Variants in TMEM275 observed in about 807,000 individuals in gnomAD.
TMEM275 encodes transmembrane protein 275.
At position 46,533,861 on chromosome 1, in the gene TMEM275, C is replaced by T. The variant is rs1373171068; in HGVS notation, c.-123-211G>A. The stretch of plus-strand genomic sequence containing the variant: ...CGGGGGTCCCTCGTGGCCAATCTTG[C>T]CATCCTCCCTCTCTCCTCACTTTTT... On this transcript the variant is annotated intron_variant, in intron 1 of 1. Coordinates refer to ENST00000634804, the Ensembl canonical transcript of TMEM275. The surrounding 1 kb of genome is among the most constrained non-coding windows in gnomAD (Gnocchi z 4.4). Among the ~76,000 whole-genome samples the T allele has an allele frequency of 6.6e-6, 1 of 152,148 alleles. No homozygotes were observed. The highest frequency in any genetic ancestry group is 1.5e-5 in the Non-Finnish European group (1 of 68,012).
rs1257938812 is a variant in TMEM275 at position 46,533,873 on chromosome 1, TCTC to T, written c.-123-226_-123-224del. Among the ~76,000 whole-genome samples, 1 of 152,054 alleles carries T rather than the reference TCTC, an allele frequency of 6.6e-6. No individual in the cohort carries two copies. Among genetic ancestry groups the T allele is most frequent in the Non-Finnish European group, 1.5e-5 (1 of 67,990 alleles). On this transcript the variant is annotated intron_variant, in intron 1 of 1. Transcript: ENST00000634804. The surrounding 1 kb of genome is among the most constrained non-coding windows in gnomAD (Gnocchi z 4.4). ...GTGGCCAATCTTGCCATCCTCCCTC[TCTC>T]CTCACTTTTTTGTCCTCCAAACAGA...
exon 2 of TMEM275, chr1:46,532,937 G>A: frequency 2.5e-6 from 1 of 394,392 alleles, no homozygotes; most frequent in Non-Finnish European, 4.5e-6. Flanking sequence ...CCCTTAAATG[G>A]CACTGAAGGA....
At position 46,533,036 on chromosome 1, in the gene TMEM275, T is replaced by G. The variant is rs1226880398; in HGVS notation, c.492A>C (p.Glu164Asp). The G allele has an allele frequency of 2.5e-6, 1 of 396,114 alleles. No homozygotes were observed. Among genetic ancestry groups the G allele is most frequent in the African/African-American group, 2.1e-5 (1 of 48,464 alleles). The allele number at this position is 396,114 out of a possible 1,614,324, so 24.5% of individuals were successfully genotyped here. Reference sequence around the variant, plus strand: ...CCCGGGGTGGGTTGAGCTGGACTCCTTCCGAGCGCAGCGCGCAGACGGCCG... The same window carrying G: ...CCCGGGGTGGGTTGAGCTGGACTCCGTCCGAGCGCAGCGCGCAGACGGCCG... The change falls in exon 2 of 2, where the codon GAA becomes GAC. Residue 164 changes from glutamate (E) to aspartate (D), a missense_variant. Physicochemically the swap from Glu to Asp is conservative, Grantham distance 45. Transcript: ENST00000634804. The surrounding 1 kb of genome is among the most constrained non-coding windows in gnomAD (Gnocchi z 4.4).
At chr1:46,532,822 T>C in exon 2 of TMEM275, 1 of 381,498 alleles carries the variant, frequency 2.6e-6, no homozygotes, top group Non-Finnish European at 4.6e-6. Flanking sequence ...GTTTGGGAGA[T>C]GGAAAAGATG....
In TMEM275 at chr1:46,533,452, G is replaced by C. The variant is rs1253570117; in HGVS notation, c.76C>G (p.Leu26Val). Residue 26 changes from leucine (L) to valine (V), a missense_variant, in exon 2 of 2, where the codon CTG becomes GTG. Physicochemically the swap from Leu to Val is conservative, Grantham distance 32 (BLOSUM62 1). Transcript: ENST00000634804. This position sits in a 1 kb window ranked among gnomAD's most constrained non-coding sequence, Gnocchi z 4.4. Reference sequence around the variant, plus strand: ...GCGCAGCACAGCGCCGGCGACGGCAGGCCGGGCACCCGGCCCCGGGCGCGT... The same window carrying C: ...GCGCAGCACAGCGCCGGCGACGGCACGCCGGGCACCCGGCCCCGGGCGCGT... The C allele has an allele frequency of 5.2e-6, 2 of 384,694 alleles. No homozygotes were observed. The highest frequency in any genetic ancestry group is 4.6e-6 in the Non-Finnish European group (1 of 217,100). 23.8% of individuals were successfully genotyped at this position (384,694 alleles called of 1,614,324 possible). A position where few individuals can be genotyped will look rare whatever the true frequency, so the allele number is the denominator to read the frequency against.
exon 2 of TMEM275, chr1:46,532,929 C>CT (rs950102223): frequency 5.1e-6 from 2 of 393,586 alleles, no homozygotes; most frequent in African/African-American, 4.1e-5. Context: ...CTTTTCCCCC[C>CT]TTAAATGGCA....
In TMEM275 at chr1:46,533,236, C is replaced by G. The variant is rs1172972766; in HGVS notation, c.292G>C (p.Ala98Pro). 3 of 332,014 alleles carry G rather than the reference C, an allele frequency of 9.0e-6. No individual in the cohort carries two copies. The highest frequency in any genetic ancestry group is 5.2e-5 in the Admixed American group (1 of 19,216). 20.6% of individuals were successfully genotyped at this position (332,014 alleles called of 1,614,324 possible). ...CGGCCGCCACCCTGGCCCGGGCCCG[C>G]CGCGGCCGCCGAGCGCCCACGGGGC... is the stretch of plus-strand genomic sequence containing the variant. The change falls in exon 2 of 2, where the codon GCG becomes CCG. Residue 98 changes from alanine to proline, a missense_variant. By Grantham distance (27) the Ala-to-Pro change is conservative. Transcript: ENST00000634804. This position sits in a 1 kb window ranked among gnomAD's most constrained non-coding sequence, Gnocchi z 4.4.
chr1:46,535,193 C>T (rs1275433655), intron 1 of TMEM275, among the ~76,000 whole-genome samples: 1 of 152,146 alleles, frequency 6.6e-6, no homozygotes, highest in Non-Finnish European at 1.5e-5. Flanking sequence ...GTGTCAGATC[C>T]TTCACTTGCA....
exon 2 of TMEM275, chr1:46,532,856 A>C: frequency 2.6e-6 from 1 of 384,570 alleles, no homozygotes; most frequent in Non-Finnish European, 4.6e-6. Flanking sequence ...CCAGCACCAG[A>C]CCCTTGTAAA....
Position 46,533,462 on chromosome 1 carries a change from CCGGCCCCGG to C in TMEM275, c.57_65del (p.Arg20_Arg22del). 2 of 386,374 alleles carry C rather than the reference CCGGCCCCGG, an allele frequency of 5.2e-6. No individual in the cohort carries two copies. The highest frequency in any genetic ancestry group is 9.2e-6 in the Non-Finnish European group (2 of 218,192). The allele number at this position is 386,374 out of a possible 1,614,324, so 23.9% of individuals were successfully genotyped here. ...GCGCCGGCGACGGCAGGCCGGGCACCCGGCCCCGGGCGCGTTCCGCGGGCGCCGGGACCG... is the reference window on the plus strand; with the variant it reads ...GCGCCGGCGACGGCAGGCCGGGCACCGCGCGTTCCGCGGGCGCCGGGACCG... On this transcript the variant is annotated inframe_deletion, in exon 2 of 2. Coordinates refer to ENST00000634804, the Ensembl canonical transcript of TMEM275. The surrounding 1 kb of genome is among the most constrained non-coding windows in gnomAD (Gnocchi z 4.4).
In TMEM275 at chr1:46,533,347, C is replaced by A. The variant is rs1481921592; in HGVS notation, c.181G>T (p.Ala61Ser). Residue 61 changes from alanine (A) to serine (S), a missense_variant, in exon 2 of 2, where the codon GCG (alanine) becomes TCG (serine). Transcript: ENST00000634804. This position sits in a 1 kb window ranked among gnomAD's most constrained non-coding sequence, Gnocchi z 4.4. The stretch of plus-strand genomic sequence containing the variant: ...AGCGCCAGCCCCACGACGAGCAGCG[C>A]GTTGTGCTCGGGCAAGAAGGAGGCG... 2 of 376,120 alleles carry A rather than the reference C, an allele frequency of 5.3e-6. No homozygotes were observed. The highest frequency in any genetic ancestry group is 9.5e-6 in the Non-Finnish European group (2 of 211,496). 23.3% of individuals were successfully genotyped at this position (376,120 alleles called of 1,614,324 possible).
chr1:46,533,834 T>G lies in TMEM275; in HGVS notation c.-123-184A>C, dbSNP rs1358768765. On this transcript the variant is annotated intron_variant, in intron 1 of 1. Transcript: ENST00000634804. The surrounding 1 kb of genome is among the most constrained non-coding windows in gnomAD (Gnocchi z 4.4). ...GAATCGACTTGTTTCCCCACCTAGTTCCGGGGGTCCCTCGTGGCCAATCTT... is the reference window on the plus strand; with the variant it reads ...GAATCGACTTGTTTCCCCACCTAGTGCCGGGGGTCCCTCGTGGCCAATCTT... Among the ~76,000 whole-genome samples, 1 of 152,176 alleles carries G rather than the reference T, an allele frequency of 6.6e-6. No homozygotes were observed. Among genetic ancestry groups the G allele is most frequent in the Admixed American group, 6.5e-5 (1 of 15,278 alleles).
At chr1:46,534,769 G>C (rs1569918191) in intron 1 of TMEM275, among the ~76,000 whole-genome samples, 186 bp from the exon 2 acceptor site, 1 of 152,266 alleles carries the variant, frequency 6.6e-6, no homozygotes, top group Non-Finnish European at 1.5e-5. Context: ...GTCCTGGATG[G>C]GGATGAAAGG....
intron 1 of TMEM275, among the ~76,000 whole-genome samples, chr1:46,535,336 C>A (rs540845390): frequency 6.6e-6 from 1 of 152,202 alleles, no homozygotes; most frequent in Admixed American, 6.5e-5. Context: ...GCCAGAATCA[C>A]CTTGTTGCCG....
At chr1:46,534,518 T>C (rs1186690795) in intron 1 of TMEM275, among the ~76,000 whole-genome samples, 1 of 152,232 alleles carries the variant, frequency 6.6e-6, no homozygotes, top group African/African-American at 2.4e-5. Context: ...TGCTGGATGC[T>C]AGAATTCCTT....
At chr1:46,534,770 G>A (rs1002041378) in intron 1 of TMEM275, among the ~76,000 whole-genome samples, 187 bp from the exon 2 acceptor site, 1 of 152,172 alleles carries the variant, frequency 6.6e-6, no homozygotes, top group East Asian at 1.9e-4. Flanking sequence ...TCCTGGATGG[G>A]GATGAAAGGG....
chr1:46,533,373 A>G lies in TMEM275; in HGVS notation c.155T>C (p.Phe52Ser), dbSNP rs1666695761. The change falls in exon 2 of 2, where the codon TTC (phenylalanine) becomes TCC (serine). Residue 52 changes from phenylalanine to serine, a missense_variant. Transcript: ENST00000634804. This position sits in a 1 kb window ranked among gnomAD's most constrained non-coding sequence, Gnocchi z 4.4. ...GTTGTGCTCGGGCAAGAAGGAGGCGAAGGCGCCTGCCAGCGTCACGTTCAC... is the reference window on the plus strand; with the variant it reads ...GTTGTGCTCGGGCAAGAAGGAGGCGGAGGCGCCTGCCAGCGTCACGTTCAC... 2.6e-6 allele frequency: 1 copy of G among 378,136 alleles called. No homozygotes were observed. The highest frequency in any genetic ancestry group is 4.6e-5 in the Admixed American group (1 of 21,938). 23.4% of individuals were successfully genotyped at this position (378,136 alleles called of 1,614,324 possible).
At chr1:46,532,787 C>T (rs1488608008) in exon 2 of TMEM275, 5 of 373,636 alleles carry the variant, frequency 1.3e-5, no homozygotes, top group Non-Finnish European at 1.4e-5. Context: ...TGACCCCTGA[C>T]ACCATCACCA....
intron 1 of TMEM275, among the ~76,000 whole-genome samples, 157 bp from the exon 2 acceptor site, chr1:46,534,740 GA>G (rs1325609743): frequency 1.3e-5 from 2 of 152,272 alleles, no homozygotes; most frequent in South Asian, 2.1e-4. Context: ...GAATTGTGGG[GA>G]AAAAATGCCA....
Sources: allele counts gnomAD v4.1 joint callset (sites outside exome capture counted in the v4.1 genomes callset), GRCh38; gene constraint gnomAD v4.1.1; non-coding constraint Gnocchi (gnomAD v3.1); transcripts MANE v1.5; gene names NCBI Gene and HGNC (gene_info 2026-07-23, HGNC 2026-07-21).